Variants in HTRA1 observed in about 807,000 individuals in gnomAD.
HTRA1 encodes the protein HtrA serine peptidase 1, also known as serine protease HTRA1.
HTRA1 carries 26 observed loss-of-function variants against 49.7 expected under a neutral mutation model. The observed-to-expected ratio is 0.52, with a 90% CI of 0.38 to 0.73. The LOEUF is 0.73. Ranked by LOEUF, HTRA1 falls within the 30% of genes least tolerant of loss-of-function variation. The pLI is 0.00. For synonymous variants in HTRA1, 291 were observed against 286.9 expected, an observed-to-expected ratio of 1.01 and a Z score of -0.14; for missense variants, 561 against 667.2, an observed-to-expected ratio of 0.84 and a Z score of 1.75.
intron 3 of HTRA1, among the ~76,000 whole-genome samples, chr10:122,504,381 G>T (rs2097502169): frequency 6.6e-6 from 1 of 152,212 alleles, no homozygotes; most frequent in Non-Finnish European, 1.5e-5. Context: ...AAGAATAGGG[G>T]ATGAGTGAGA....
At chr10:122,501,976 T>G (rs2097501072) in intron 3 of HTRA1, among the ~76,000 whole-genome samples, 1 of 139,426 alleles carries the variant, frequency 7.2e-6, no homozygotes, top group Admixed American at 7.2e-5. Context: ...TTTTTTTTTT[T>G]TTTTTTTTTT....
Position 122,514,520 on chromosome 10 carries a change from C to T in HTRA1, c.*161C>T. ...CAACAGAATCCTTCTTGATAGTTTG[C>T]AGGCAAAACAAATGTAATGTTGCAG... On this transcript the variant is annotated 3_prime_UTR_variant, in exon 9 of 9. Coordinates refer to ENST00000368984, the MANE Select transcript of HTRA1 (RefSeq NM_002775.5). The T allele has an allele frequency of 1.4e-6, 1 of 700,000 alleles. No homozygotes were observed. The allele number at this position is 700,000 out of a possible 1,614,324, so 43.4% of individuals were successfully genotyped here. A position where few individuals can be genotyped will look rare whatever the true frequency, so the allele number is the denominator to read the frequency against.
intron 3 of HTRA1, among the ~76,000 whole-genome samples, chr10:122,500,846 T>A (rs1211418669): frequency 6.6e-6 from 1 of 152,154 alleles, no homozygotes; most frequent in Non-Finnish European, 1.5e-5. Flanking sequence ...CGAGGCTGCG[T>A]GCACAGACCT....
At position 122,474,392 on chromosome 10, in the gene HTRA1, C is replaced by T. The variant is rs968510447; in HGVS notation, c.472+12268C>T. ...GCTGGGTACTGCTTGGAAGAACTGG[C>T]TTCTTCCTTGATACAGGGGCTCGTT... On this transcript the variant is annotated intron_variant, in intron 1 of 8. Coordinates refer to ENST00000368984, the MANE Select transcript of HTRA1 (RefSeq NM_002775.5). Among the ~76,000 whole-genome samples, 8 of 152,152 alleles carry T rather than the reference C, an allele frequency of 5.3e-5. No individual in the cohort carries two copies. In the South Asian group the frequency reaches 1.7e-3, roughly 32 times the overall value.
chr10:122,497,361 C>T (rs967753252), intron 3 of HTRA1, among the ~76,000 whole-genome samples: 3 of 152,194 alleles, frequency 2.0e-5, no homozygotes, highest in Non-Finnish European at 4.4e-5. Context: ...AGAGGTTATA[C>T]ATGTTTTAAA....
chr10:122,474,071 C>T (rs77802229), intron 1 of HTRA1, among the ~76,000 whole-genome samples: 13,854 of 152,198 alleles, frequency 0.091, 829 homozygotes, highest in Middle Eastern at 0.2. Flanking sequence ...ACTGTAGCAC[C>T]TGACTCAGGA....
chr10:122,477,914 C>G (rs1227938045), intron 1 of HTRA1, among the ~76,000 whole-genome samples: 1 of 6,528 alleles, frequency 1.5e-4, no homozygotes, highest in Non-Finnish European at 2.8e-4. Flanking sequence ...ATGCCCAGAC[C>G]CCACATGGCA....
Position 122,508,788 on chromosome 10 carries a change from A to G in HTRA1, c.1120+18A>G. On this transcript the variant is annotated intron_variant, in intron 6 of 8. Transcript: ENST00000368984. ...GGCCAAAGGTAGGCAAGGCCCACAC[A>G]GCCCTGGGGACTCCGGAGATGGGGC... 2.1e-6 allele frequency: 3 copies of G among 1,448,630 alleles called. No homozygotes were observed. Among genetic ancestry groups the G allele is most frequent in the Non-Finnish European group, 2.9e-6 (3 of 1,028,906 alleles). 89.7% of individuals were successfully genotyped at this position (1,448,630 alleles called of 1,614,324 possible).
intron 1 of HTRA1, among the ~76,000 whole-genome samples, chr10:122,477,464 T>A (rs555527131): frequency 6.6e-6 from 1 of 152,230 alleles, no homozygotes; most frequent in Non-Finnish European, 1.5e-5. Context: ...GCCCCGAGGC[T>A]GGACCTCACT....
chr10:122,497,548 C>T (rs2097499265), intron 3 of HTRA1, among the ~76,000 whole-genome samples: 1 of 152,154 alleles, frequency 6.6e-6, no homozygotes. Flanking sequence ...TAGAGTAGGA[C>T]TGAGCCCCTG....
intron 3 of HTRA1, among the ~76,000 whole-genome samples, chr10:122,503,792 C>T (rs1205158629): frequency 3.9e-5 from 6 of 152,138 alleles, no homozygotes; most frequent in Non-Finnish European, 5.9e-5. Flanking sequence ...CCCACTCCGC[C>T]GCATGTGTCT....
At chr10:122,480,341 G>A (rs777459430) in intron 1 of HTRA1, among the ~76,000 whole-genome samples, 14 of 97,228 alleles carry the variant, frequency 1.4e-4, no homozygotes, top group East Asian at 4.9e-4. Flanking sequence ...ACATCAGGGC[G>A]GGCGAGGGCA....
At chr10:122,474,029 C>G (rs1319953800) in intron 1 of HTRA1, among the ~76,000 whole-genome samples, 1 of 152,210 alleles carries the variant, frequency 6.6e-6, no homozygotes, top group Non-Finnish European at 1.5e-5. Context: ...AAAGTCTAAA[C>G]TGCAGAGGTG....
At chr10:122,511,545 C>T (rs2097505573) in intron 7 of HTRA1, among the ~76,000 whole-genome samples, 1 of 151,916 alleles carries the variant, frequency 6.6e-6, no homozygotes, top group African/African-American at 2.4e-5. Flanking sequence ...CCAGCCTGGC[C>T]AATTTGTGAA....
intron 1 of HTRA1, among the ~76,000 whole-genome samples, chr10:122,480,214 C>CGTTTT (rs1332132836): frequency 1.3e-5 from 2 of 151,918 alleles, no homozygotes; most frequent in African/African-American, 4.8e-5. Flanking sequence ...TAACTTAGAG[C>CGTTTT]CGAAAGGTGT....
chr10:122,490,678 A>G lies in HTRA1; in HGVS notation c.777+1052A>G, dbSNP rs2097495362. On this transcript the variant is annotated intron_variant, in intron 3 of 8. Transcript: ENST00000368984. This position sits in a 1 kb window ranked among gnomAD's most constrained non-coding sequence, Gnocchi z 4.2. The stretch of plus-strand genomic sequence containing the variant: ...TCCAGCCCTCTGCTTGCCTCGCTTT[A>G]CCTGGGTGTGGGCTGAGTAATTCCA... Among the ~76,000 whole-genome samples the G allele has an allele frequency of 6.6e-6, 1 of 152,060 alleles. No individual in the cohort carries two copies. Among genetic ancestry groups the G allele is most frequent in the African/African-American group, 2.4e-5 (1 of 41,388 alleles).
chr10:122,461,622 C>T lies in HTRA1; in HGVS notation c.-31C>T, dbSNP rs1237888527. The T allele has an allele frequency of 7.9e-7, 1 of 1,267,742 alleles. No individual in the cohort carries two copies. The highest frequency in any genetic ancestry group is 1.0e-6 in the Non-Finnish European group (1 of 979,556). 78.5% of individuals were successfully genotyped at this position (1,267,742 alleles called of 1,614,324 possible). ...GCCGCTCTCCGGCCCTCGCCCTGTCCGCCGCCACCGCCGCCGCCGCCAGAG... is the reference window on the plus strand; with the variant it reads ...GCCGCTCTCCGGCCCTCGCCCTGTCTGCCGCCACCGCCGCCGCCGCCAGAG... On this transcript the variant is annotated 5_prime_UTR_variant, in exon 1 of 9. Transcript: ENST00000368984.
chr10:122,497,493 C>T (rs970508768), intron 3 of HTRA1, among the ~76,000 whole-genome samples: 2 of 152,174 alleles, frequency 1.3e-5, no homozygotes, highest in African/African-American at 4.8e-5. Flanking sequence ...GGCAGTTCAG[C>T]AGATGCTGAA....
At chr10:122,501,513 C>T (rs956008947) in intron 3 of HTRA1, among the ~76,000 whole-genome samples, 1 of 152,162 alleles carries the variant, frequency 6.6e-6, no homozygotes, top group Non-Finnish European at 1.5e-5. Context: ...GGATGACACT[C>T]ATGGTTGCCC....
Sources: allele counts gnomAD v4.1 joint callset (sites outside exome capture counted in the v4.1 genomes callset), GRCh38; gene constraint gnomAD v4.1.1; non-coding constraint Gnocchi (gnomAD v3.1); transcripts MANE v1.5; gene names NCBI Gene and HGNC (gene_info 2026-07-23, HGNC 2026-07-21).